Variants in LRRK1 observed in about 807,000 individuals in gnomAD.
The protein encoded by LRRK1 is leucine rich repeat kinase 1.
A neutral mutation model predicts 209.1 loss-of-function variants in LRRK1; 113 were observed. That is an observed-to-expected ratio of 0.54 (90% CI 0.46 to 0.63). LRRK1 has a LOEUF of 0.63. Ranked by LOEUF, LRRK1 falls within the 30% of genes least tolerant of loss-of-function variation. LRRK1 has a pLI of 0.00. For missense variants in LRRK1, 2,284 were observed against 2,632.2 expected, an observed-to-expected ratio of 0.87 and a Z score of 2.89; for synonymous variants, 1,144 against 1,099.7, an observed-to-expected ratio of 1.04 and a Z score of -0.80.
chr15:100,930,494 C>T (rs903310863), intron 2 of LRRK1, among the ~76,000 whole-genome samples: 1 of 152,204 alleles, frequency 6.6e-6, no homozygotes, highest in Non-Finnish European at 1.5e-5. Flanking sequence ...TGTGGTAGCT[C>T]ACCAGAGCCC....
At chr15:100,926,180 T>A (rs1043770288) in intron 2 of LRRK1, among the ~76,000 whole-genome samples, 2 of 152,260 alleles carry the variant, frequency 1.3e-5, no homozygotes, top group Non-Finnish European at 2.9e-5. Flanking sequence ...CTTGCATCTT[T>A]GTAAATTTTC....
Position 101,062,631 on chromosome 15 carries a change from C to A in LRRK1, c.4855C>A (p.Gln1619Lys), listed in dbSNP as rs2036252196. Reference sequence around the variant, plus strand: ...CATGTGCCCCTTAAACACACCCCAACAGGCCTTGGATACTCCAGCTGTCGT... The same window carrying A: ...CATGTGCCCCTTAAACACACCCCAAAAGGCCTTGGATACTCCAGCTGTCGT... Reference protein sequence around the residue: ...KGMCPLNTPQQALDTPAVVTC... With the variant: ...KGMCPLNTPQKALDTPAVVTC... Residue 1619 changes from glutamine (Q) to lysine (K), a missense_variant, in exon 31 of 34, where the codon CAG becomes AAG. Transcript: ENST00000388948. 1.9e-6 allele frequency: 3 copies of A among 1,614,262 alleles called. No homozygotes were observed. The highest frequency in any genetic ancestry group is 2.2e-5 in the South Asian group (2 of 91,086).
At chr15:100,948,679 G>A (rs564961495) in intron 2 of LRRK1, among the ~76,000 whole-genome samples, 30 of 151,946 alleles carry the variant, frequency 2.0e-4, no homozygotes, top group Non-Finnish European at 3.4e-4. Flanking sequence ...AAATATATTC[G>A]GTGACCACAA....
chr15:100,984,999 C>A (rs2031793979), intron 4 of LRRK1, among the ~76,000 whole-genome samples: 1 of 152,218 alleles, frequency 6.6e-6, no homozygotes, highest in East Asian at 1.9e-4. Flanking sequence ...TAAAATGTTT[C>A]ATGATTTTTA....
At chr15:100,942,840 A>T (rs940820875) in intron 2 of LRRK1, among the ~76,000 whole-genome samples, 2 of 152,160 alleles carry the variant, frequency 1.3e-5, no homozygotes, top group Admixed American at 1.3e-4. Flanking sequence ...TTGGGTCCTC[A>T]TGAGGCCTCT....
chr15:100,952,342 G>T (rs543687710), intron 2 of LRRK1, among the ~76,000 whole-genome samples: 18 of 152,306 alleles, frequency 1.2e-4, no homozygotes, highest in Middle Eastern at 6.8e-3. Context: ...ATAAAGCTGT[G>T]ATCTTTTAAA....
intron 2 of LRRK1, among the ~76,000 whole-genome samples, chr15:100,931,291 G>T (rs1313063090): frequency 6.6e-6 from 1 of 152,192 alleles, no homozygotes; most frequent in Non-Finnish European, 1.5e-5. Flanking sequence ...GCACCCAGGG[G>T]CCGTGGCACA....
chr15:100,951,895 G>T (rs2042659044), intron 2 of LRRK1, among the ~76,000 whole-genome samples: 1 of 151,428 alleles, frequency 6.6e-6, no homozygotes, highest in African/African-American at 2.4e-5. Flanking sequence ...GAGGTTGCAA[G>T]TGAGCTGAGA....
chr15:101,057,962 C>T lies in LRRK1; in HGVS notation c.4528-28C>T, dbSNP rs1284202364. 21 of 1,613,060 alleles carry T rather than the reference C, an allele frequency of 1.3e-5. No homozygotes were observed. The South Asian group carries it at 1.9e-4, about 14-fold the overall frequency. ...ACCAATCCGGTTGTAAGTGACCTTGCTCTCTTCTGGTGGCTTCTCTCCCTC... is the reference window on the plus strand; with the variant it reads ...ACCAATCCGGTTGTAAGTGACCTTGTTCTCTTCTGGTGGCTTCTCTCCCTC... On this transcript the variant is annotated intron_variant, in intron 28 of 33. Coordinates refer to ENST00000388948, the MANE Select transcript of LRRK1 (RefSeq NM_024652.6).
rs2036721354 is a variant in LRRK1, at chr15:101,069,820, T to G, written c.*972T>G. The G allele has an allele frequency of 6.6e-6, 1 of 152,572 alleles. No individual in the cohort carries two copies. Among genetic ancestry groups the G allele is most frequent in the Non-Finnish European group, 1.5e-5 (1 of 68,048 alleles). The allele number at this position is 152,572 out of a possible 1,614,324, so 9.5% of individuals were successfully genotyped here. ...GTACAGCGGAGTACGAAAAGGAACGTTGTCCACAGGGGATTTATGGATACA... is the reference window on the plus strand; with the variant it reads ...GTACAGCGGAGTACGAAAAGGAACGGTGTCCACAGGGGATTTATGGATACA... On this transcript the variant is annotated 3_prime_UTR_variant, in exon 34 of 34. Coordinates refer to ENST00000388948, the MANE Select transcript of LRRK1 (RefSeq NM_024652.6).
chr15:101,009,829 G>A (rs759834360), intron 7 of LRRK1, among the ~76,000 whole-genome samples: 13 of 152,072 alleles, frequency 8.5e-5, no homozygotes, highest in African/African-American at 1.9e-4. Context: ...CTCATGATCC[G>A]CCTGCCTCGG....
Position 101,022,004 on chromosome 15 carries a change from C to A in LRRK1, c.1852+47C>A. Reference sequence around the variant, plus strand: ...CCCCTGCCATCACCTCTTGGAAAGACAACTCCAGTCCACTTGTTAAGTTCT... The same window carrying A: ...CCCCTGCCATCACCTCTTGGAAAGAAAACTCCAGTCCACTTGTTAAGTTCT... On this transcript the variant is annotated intron_variant, in intron 14 of 33. Transcript: ENST00000388948. The surrounding 1 kb of genome is among the most constrained non-coding windows in gnomAD (Gnocchi z 4.0). The A allele has an allele frequency of 7.5e-7, 1 of 1,330,666 alleles. No individual in the cohort carries two copies. The highest frequency in any genetic ancestry group is 1.1e-6 in the Non-Finnish European group (1 of 931,726). The allele number at this position is 1,330,666 out of a possible 1,614,324, so 82.4% of individuals were successfully genotyped here. A position where few individuals can be genotyped will look rare whatever the true frequency, so the allele number is the denominator to read the frequency against.
intron 2 of LRRK1, among the ~76,000 whole-genome samples, chr15:100,934,317 C>CA (rs1226547244): frequency 6.6e-6 from 1 of 152,188 alleles, no homozygotes; most frequent in Admixed American, 6.5e-5. Flanking sequence ...ATGACCTCTG[C>CA]ATTCTCTACA....
At chr15:101,057,193 C>G (rs1262125755) in intron 28 of LRRK1, 143 bp downstream of exon 28, 1 of 656,166 alleles carries the variant, frequency 1.5e-6, no homozygotes. Flanking sequence ...GTGATGTTTG[C>G]TGCTCCTAAC....
At chr15:101,006,201 A>G (rs769724669) in intron 6 of LRRK1, among the ~76,000 whole-genome samples, 26 of 152,320 alleles carry the variant, frequency 1.7e-4, no homozygotes, top group Middle Eastern at 3.4e-3. Context: ...GAACCACTCA[A>G]CTAGACTCTA....
At chr15:101,067,058 T>C (rs551913721) in intron 33 of LRRK1, among the ~76,000 whole-genome samples, 4 of 152,308 alleles carry the variant, frequency 2.6e-5, no homozygotes, top group Admixed American at 6.5e-5. Context: ...ATCCAGGTCA[T>C]TGATTCACTG....
chr15:101,043,155 G>A (rs1005678281), intron 20 of LRRK1, among the ~76,000 whole-genome samples: 2 of 152,326 alleles, frequency 1.3e-5, no homozygotes, highest in South Asian at 2.1e-4. Flanking sequence ...GCCACTCTGC[G>A]TCCTCAGCTC....
chr15:101,046,755 A>C (rs1052099627), intron 21 of LRRK1, among the ~76,000 whole-genome samples: 1 of 152,126 alleles, frequency 6.6e-6, no homozygotes, highest in Non-Finnish European at 1.5e-5. Context: ...TTTGAGAACC[A>C]CTTGTGCAGA....
intron 6 of LRRK1, among the ~76,000 whole-genome samples, chr15:100,992,173 A>G (rs1234917075): frequency 2.0e-5 from 3 of 152,198 alleles, no homozygotes; most frequent in Non-Finnish European, 4.4e-5. Flanking sequence ...AGATGATGCT[A>G]GCTTTACAAA....
Sources: allele counts gnomAD v4.1 joint callset (sites outside exome capture counted in the v4.1 genomes callset), GRCh38; gene constraint gnomAD v4.1.1; non-coding constraint Gnocchi (gnomAD v3.1); transcripts MANE v1.5; gene names NCBI Gene and HGNC (gene_info 2026-07-23, HGNC 2026-07-21).